Variants in COA1 observed in about 807,000 individuals in gnomAD.
COA1 encodes the protein cytochrome c oxidase assembly factor 1 homolog.
Under a neutral mutation model 16.0 loss-of-function variants are expected in COA1, and 13 were observed. The observed-to-expected ratio is 0.81, with a 90% confidence interval of 0.53 to 1.29. The LOEUF is 1.29. Among genes scored for constraint, COA1 ranks in the 50% most tolerant of loss-of-function variants. COA1 has a pLI of 0.00. For missense variants in COA1, 179 were observed against 177.0 expected, an observed-to-expected ratio of 1.01 and a Z score of -0.06; for synonymous variants, 65 against 65.7, an observed-to-expected ratio of 0.99 and a Z score of 0.05.
chr7:43,623,015 G>C (rs2084082756), intron 6 of COA1: 1 of 152,438 alleles, frequency 6.6e-6, no homozygotes, highest in African/African-American at 2.4e-5. Flanking sequence ...TTCTATAGAT[G>C]CAACTTAGTT....
At chr7:43,616,667 A>G (rs1040752131) in intron 6 of COA1, among the ~76,000 whole-genome samples, 1 of 151,968 alleles carries the variant, frequency 6.6e-6, no homozygotes, top group African/African-American at 2.4e-5. Context: ...GGAGGCTGAG[A>G]CGGGCGGATC....
At chr7:43,624,543 C>G (rs1376942868) in intron 6 of COA1, 4 of 1,613,476 alleles carry the variant, frequency 2.5e-6, no homozygotes, top group Non-Finnish European at 3.4e-6. Context: ...TGAAGAATGT[C>G]TAAAGCACCC....
chr7:43,674,635 A>G (rs1323286303), intron 1 of COA1, among the ~76,000 whole-genome samples: 1 of 152,202 alleles, frequency 6.6e-6, no homozygotes, highest in Non-Finnish European at 1.5e-5. Flanking sequence ...TTTGTCCATA[A>G]TTTTAGTCTG....
chr7:43,687,717 A>C (rs2094103778), intron 1 of COA1, among the ~76,000 whole-genome samples: 2 of 152,218 alleles, frequency 1.3e-5, no homozygotes, highest in African/African-American at 2.4e-5. Context: ...AAATAGTTCC[A>C]ACATATCATG....
chr7:43,620,543 G>A (rs1472692952), intron 6 of COA1, among the ~76,000 whole-genome samples: 1 of 152,078 alleles, frequency 6.6e-6, no homozygotes, highest in Admixed American at 6.5e-5. Flanking sequence ...GCGTGATGGT[G>A]TGCACTTGTA....
intron 1 of COA1, among the ~76,000 whole-genome samples, chr7:43,668,709 A>T (rs1284725215): frequency 6.6e-6 from 1 of 152,262 alleles, no homozygotes; most frequent in Non-Finnish European, 1.5e-5. Context: ...CTGGGCAATT[A>T]TCCTGCAAAT....
chr7:43,644,817 G>GAGAGAGAGAGAGAGAGAGAGAGATAC (rs1245137600), intron 4 of COA1, among the ~76,000 whole-genome samples: 2 of 126,614 alleles, frequency 1.6e-5, no homozygotes, highest in Non-Finnish European at 3.8e-5. Flanking sequence ...GAGAGAGAGA[G>GAGAGAGAGAGAGAGAGAGAGAGATAC]AGAGAGAGAG....
At chr7:43,643,208 C>T in intron 4 of COA1, among the ~76,000 whole-genome samples, 1 of 152,224 alleles carries the variant, frequency 6.6e-6, no homozygotes, top group East Asian at 1.9e-4. Flanking sequence ...GACAAAGCTC[C>T]CACCAAAACC....
At chr7:43,710,992 C>A (rs549408531) in intron 1 of COA1, among the ~76,000 whole-genome samples, 1 of 151,202 alleles carries the variant, frequency 6.6e-6, no homozygotes, top group East Asian at 1.9e-4. Context: ...TCTTTAAGAA[C>A]AATACTGTAT....
intron 1 of COA1, among the ~76,000 whole-genome samples, chr7:43,714,162 T>C (rs1057294770): frequency 6.6e-6 from 1 of 152,074 alleles, no homozygotes; most frequent in Non-Finnish European, 1.5e-5. Flanking sequence ...CACTCCAGCC[T>C]GGGTGACAGA....
intron 1 of COA1, among the ~76,000 whole-genome samples, chr7:43,709,027 CTT>C (rs538423823): frequency 7.7e-5 from 11 of 143,276 alleles, no homozygotes; most frequent in Non-Finnish European, 4.6e-5. Context: ...CTCCTATAAT[CTT>C]TTTTTTTTTT....
intron 4 of COA1, among the ~76,000 whole-genome samples, chr7:43,644,817 G>GAGAGAGAGAGTGAGAGAGCGAGAC (rs2088711626): frequency 7.9e-6 from 1 of 126,614 alleles, no homozygotes; most frequent in African/African-American, 2.6e-5. Flanking sequence ...GAGAGAGAGA[G>GAGAGAGAGAGTGAGAGAGCGAGAC]AGAGAGAGAG....
intron 1 of COA1, among the ~76,000 whole-genome samples, chr7:43,653,269 G>A (rs893166343): frequency 2.0e-5 from 3 of 151,806 alleles, no homozygotes; most frequent in African/African-American, 2.4e-5. Flanking sequence ...CCGAGATTGC[G>A]CCACTGCACT....
intron 6 of COA1, chr7:43,626,383 T>G (rs762609574): frequency 2.0e-5 from 3 of 152,226 alleles, no homozygotes; most frequent in Non-Finnish European, 4.4e-5. Context: ...TCAAAGCACC[T>G]GGGAGTGCCC....
intron 1 of COA1, among the ~76,000 whole-genome samples, chr7:43,672,472 T>G (rs181473764): frequency 5.9e-5 from 9 of 152,116 alleles, no homozygotes; most frequent in African/African-American, 1.9e-4. Context: ...CATCCCTTCA[T>G]ATTAAAAACC....
chr7:43,725,368 T>C (rs1226441076), intron 1 of COA1, among the ~76,000 whole-genome samples: 1 of 152,242 alleles, frequency 6.6e-6, no homozygotes, highest in Non-Finnish European at 1.5e-5. Flanking sequence ...AATTTTATGT[T>C]ATGTATATTC....
downstream of COA1, among the ~76,000 whole-genome samples, chr7:43,635,014 G>A (rs1476175005): frequency 6.6e-6 from 1 of 152,232 alleles, no homozygotes; most frequent in Non-Finnish European, 1.5e-5. Flanking sequence ...GCTGCACTTA[G>A]TGGAGGAATA....
At chr7:43,633,198 C>G (rs1477433458) in intron 6 of COA1, 1 of 152,242 alleles carries the variant, frequency 6.6e-6, no homozygotes, top group Non-Finnish European at 1.5e-5. Context: ...CAAGCTAGAT[C>G]TTCTGTGTAA....
intron 1 of COA1, among the ~76,000 whole-genome samples, chr7:43,701,633 T>C (rs146547903): frequency 3.9e-4 from 60 of 152,266 alleles, no homozygotes; most frequent in African/African-American, 1.4e-3. Context: ...AGTAATGAGA[T>C]TGGTAGTTCT....
Sources: allele counts gnomAD v4.1 joint callset (sites outside exome capture counted in the v4.1 genomes callset), GRCh38; gene constraint gnomAD v4.1.1; transcripts MANE v1.5; gene names NCBI Gene and HGNC (gene_info 2026-07-23, HGNC 2026-07-21).